CEP128: variants seen among roughly 807,000 people sequenced by gnomAD.
The protein encoded by CEP128 is centrosomal protein 128.
Under a neutral mutation model 156.7 loss-of-function variants are expected in CEP128, and 132 were observed. That is an observed-to-expected ratio of 0.84 (90% CI 0.73 to 0.97). CEP128 has a LOEUF of 0.97. CEP128 is among the 50% of genes least tolerant of loss of function. The probability of loss-of-function intolerance (pLI) is 0.00; values close to 1 mark genes in which losing one functional copy is unlikely to be tolerated. For synonymous variants in CEP128, 469 were observed against 448.9 expected, an observed-to-expected ratio of 1.04 and a Z score of -0.57; for missense variants, 1,252 against 1,281.9, an observed-to-expected ratio of 0.98 and a Z score of 0.36.
At chr14:80,684,375 A>C (rs1373606207) in intron 19 of CEP128, among the ~76,000 whole-genome samples, 1 of 152,098 alleles carries the variant, frequency 6.6e-6, no homozygotes, top group Admixed American at 6.6e-5. Flanking sequence ...GAAAATACAA[A>C]ATCTCCCAAG....
chr14:80,760,389 T>C (rs1024184530), intron 17 of CEP128, among the ~76,000 whole-genome samples: 8 of 151,976 alleles, frequency 5.3e-5, no homozygotes, highest in Non-Finnish European at 7.4e-5. Context: ...TGCAAGAGAA[T>C]TAGTTATATT....
chr14:80,769,806 CAAT>C (rs1179988154), intron 16 of CEP128, among the ~76,000 whole-genome samples: 3 of 151,934 alleles, frequency 2.0e-5, no homozygotes, highest in African/African-American at 7.2e-5. Context: ...TGAATTGAGT[CAAT>C]AAACAATTTA....
Position 80,914,305 on chromosome 14 carries a change from C to G in CEP128, c.234+17G>C. ...AAAGGTGGGTAGGAGAAAATGCAAACAAATGTAGTTTCTCACATGTTCTAT... is the reference window on the plus strand; with the variant it reads ...AAAGGTGGGTAGGAGAAAATGCAAAGAAATGTAGTTTCTCACATGTTCTAT... On this transcript the variant is annotated intron_variant, in intron 4 of 24. Transcript: ENST00000555265. 1 of 1,595,028 alleles carries G rather than the reference C, an allele frequency of 6.3e-7. No individual in the cohort carries two copies. The highest frequency in any genetic ancestry group is 8.6e-7 in the Non-Finnish European group (1 of 1,163,530).
chr14:80,768,582 C>T (rs369132747), intron 16 of CEP128, among the ~76,000 whole-genome samples: 32 of 152,152 alleles, frequency 2.1e-4, no homozygotes, highest in African/African-American at 5.1e-4. Flanking sequence ...TGATTAATAG[C>T]GTTAAGAGTA....
rs148760069 is a variant in CEP128, at chr14:80,584,266, C to T, written c.2807-3843G>A. The stretch of plus-strand genomic sequence containing the variant: ...GGTTCAAGCGATTCTCCTGCCTCAG[C>T]CTCCTCAGTAGCTGGATTACAGGTG... On this transcript the variant is annotated intron_variant, in intron 19 of 24. Coordinates refer to ENST00000555265, the MANE Select transcript of CEP128 (RefSeq NM_152446.5). 8.1e-3 allele frequency among the ~76,000 whole-genome samples: 1,226 copies of T among 151,638 alleles called. 7 individuals are homozygous for T. Among genetic ancestry groups the T allele is most frequent in the Non-Finnish European group, 0.014 (951 of 67,958 alleles).
chr14:80,615,879 A>C (rs202148490), intron 19 of CEP128, among the ~76,000 whole-genome samples: 1 of 51,264 alleles, frequency 2.0e-5, no homozygotes, highest in Non-Finnish European at 4.9e-5. Flanking sequence ...AAATAAATAA[A>C]TAAATAAATA....
chr14:80,850,369 T>C (rs1473940410), intron 9 of CEP128, among the ~76,000 whole-genome samples: 1 of 152,222 alleles, frequency 6.6e-6, no homozygotes. Flanking sequence ...CCAACTTTAA[T>C]AAACAGTGTC....
rs369136957 is a variant in CEP128, at chr14:80,534,682, G to A, written c.2881-3796C>T. Among the ~76,000 whole-genome samples the A allele has an allele frequency of 1.3e-3, 198 of 152,108 alleles. 2 individuals carry two copies. The highest frequency in any genetic ancestry group is 2.1e-3 in the Non-Finnish European group (141 of 67,978). ...CTACTAAAAATACAAAAAATTAGCC[G>A]GGCGCGGTGGCGGGCACCTGTAGTC... On this transcript the variant is annotated intron_variant, in intron 21 of 24. Transcript: ENST00000555265.
chr14:80,892,642 C>A (rs975377754), intron 8 of CEP128, among the ~76,000 whole-genome samples: 1 of 151,770 alleles, frequency 6.6e-6, no homozygotes, highest in African/African-American at 2.4e-5. Context: ...TATTGGCAAA[C>A]AATATATCTG....
intron 11 of CEP128, 39 bp from the exon 12 acceptor site, chr14:80,836,376 T>C (rs764204595): frequency 3.7e-6 from 6 of 1,612,492 alleles, no homozygotes; most frequent in African/African-American, 1.3e-5. Context: ...GTTTTCACAA[T>C]CAGAGAAAGA....
chr14:80,782,420 A>G (rs1172119991), intron 15 of CEP128, among the ~76,000 whole-genome samples: 1 of 152,002 alleles, frequency 6.6e-6, no homozygotes, highest in Non-Finnish European at 1.5e-5. Context: ...CTTTGCCCAC[A>G]ATCTTTGTTC....
intron 23 of CEP128, among the ~76,000 whole-genome samples, chr14:80,511,983 G>C (rs964440454): frequency 1.1e-4 from 17 of 151,914 alleles, no homozygotes; most frequent in Non-Finnish European, 2.9e-5. Flanking sequence ...GAACTGTTTT[G>C]TGCCAAAACA....
At chr14:80,917,746 C>T (rs1247814867) in intron 2 of CEP128, among the ~76,000 whole-genome samples, 5 of 152,270 alleles carry the variant, frequency 3.3e-5, no homozygotes, top group Admixed American at 2.6e-4. Flanking sequence ...ATTGATCATA[C>T]ATTTAAGGAG....
intron 19 of CEP128, among the ~76,000 whole-genome samples, chr14:80,666,724 C>CAAAA (rs78322396): frequency 9.7e-6 from 1 of 103,470 alleles, no homozygotes; most frequent in Admixed American, 1.0e-4. Context: ...AAGAGAGAGA[C>CAAAA]AAAAAAAAAA....
intron 13 of CEP128, among the ~76,000 whole-genome samples, chr14:80,798,980 G>T (rs761700613): frequency 9.2e-5 from 14 of 152,190 alleles, no homozygotes; most frequent in Non-Finnish European, 1.9e-4. Context: ...TTCATTTATA[G>T]TATTTATGTG....
At chr14:80,751,267 T>C (rs541297263) in intron 18 of CEP128, among the ~76,000 whole-genome samples, 2 of 152,346 alleles carry the variant, frequency 1.3e-5, no homozygotes, top group African/African-American at 4.8e-5. Flanking sequence ...TAAAGCTAAC[T>C]ATAGTTAGAT....
At chr14:80,887,676 C>A (rs1473249965) in intron 8 of CEP128, among the ~76,000 whole-genome samples, 3 of 151,852 alleles carry the variant, frequency 2.0e-5, no homozygotes, top group Non-Finnish European at 4.4e-5. Context: ...TCAGAAAGTG[C>A]AAAAGACCTA....
At chr14:80,498,110 C>T (rs1051758636) in intron 24 of CEP128, among the ~76,000 whole-genome samples, 7 of 152,172 alleles carry the variant, frequency 4.6e-5, no homozygotes, top group African/African-American at 1.7e-4. Flanking sequence ...TCATTCCTTA[C>T]TCTTCTCCAA....
chr14:80,502,045 G>C (rs1467763813), intron 24 of CEP128, among the ~76,000 whole-genome samples: 1 of 152,180 alleles, frequency 6.6e-6, no homozygotes, highest in Non-Finnish European at 1.5e-5. Context: ...ATAATTAAAA[G>C]TGGTTATAAC....
Sources: allele counts gnomAD v4.1 joint callset (sites outside exome capture counted in the v4.1 genomes callset), GRCh38; gene constraint gnomAD v4.1.1; transcripts MANE v1.5; gene names NCBI Gene and HGNC (gene_info 2026-07-23, HGNC 2026-07-21).